GALNT18: variants seen among roughly 807,000 people sequenced by gnomAD.
GALNT18 encodes the protein polypeptide N-acetylgalactosaminyltransferase 18, also known as GalNAc-transferase 18.
GALNT18 carries 44 observed loss-of-function variants against 69.5 expected under a neutral mutation model. The observed-to-expected ratio is 0.63, with a 90% CI of 0.50 to 0.81. The LOEUF is 0.81. Ranked by LOEUF, GALNT18 falls within the 40% of genes least tolerant of loss-of-function variation. The probability of loss-of-function intolerance (pLI) is 0.00; values close to 1 mark genes in which losing one functional copy is unlikely to be tolerated. For synonymous variants in GALNT18, 364 were observed against 318.2 expected, an observed-to-expected ratio of 1.14 and a Z score of -1.53; for missense variants, 715 against 810.0, an observed-to-expected ratio of 0.88 and a Z score of 1.42.
intron 7 of GALNT18, among the ~76,000 whole-genome samples, chr11:11,336,562 C>T (rs909250382): frequency 2.6e-5 from 4 of 152,172 alleles, no homozygotes; most frequent in Non-Finnish European, 4.4e-5. Flanking sequence ...TTGAAGGGCT[C>T]CAGCTCCATA....
chr11:11,397,474 T>G (rs1390014177), intron 3 of GALNT18, among the ~76,000 whole-genome samples: 1 of 152,162 alleles, frequency 6.6e-6, no homozygotes, highest in Admixed American at 6.5e-5. Context: ...TTGAGGACTT[T>G]TATTTTTTGA....
rs2133791218 is a variant in GALNT18 at position 11,430,474 on chromosome 11, G to T, written c.595+2147C>A. Among the ~76,000 whole-genome samples, 1 of 152,318 alleles carries T rather than the reference G, an allele frequency of 6.6e-6. No individual in the cohort carries two copies. The highest frequency in any genetic ancestry group is 2.4e-5 in the African/African-American group (1 of 41,558). On this transcript the variant is annotated intron_variant, in intron 3 of 10. Transcript: ENST00000227756. The surrounding 1 kb of genome is among the most constrained non-coding windows in gnomAD (Gnocchi z 4.9). ...CAGTTGTGATGACAAGTACAGCTTT[G>T]TGTAACCAACACCACAATCAAGATA...
At chr11:11,580,154 A>G (rs1859041247) in intron 1 of GALNT18, among the ~76,000 whole-genome samples, 1 of 152,236 alleles carries the variant, frequency 6.6e-6, no homozygotes, top group East Asian at 1.9e-4. Context: ...GGTTGCCACT[A>G]ACTCACCATT....
chr11:11,332,333 G>A lies in GALNT18; in HGVS notation c.1416+361C>T, dbSNP rs1850030584. Among the ~76,000 whole-genome samples, 4 of 152,228 alleles carry A rather than the reference G, an allele frequency of 2.6e-5. No homozygotes were observed. The highest frequency in any genetic ancestry group is 6.5e-5 in the Admixed American group (1 of 15,292). The stretch of plus-strand genomic sequence containing the variant: ...CTCCTTGGTCAGGGAGGCACACAGG[G>A]TGACTCATAGACCCTCAGGCACCCC... On this transcript the variant is annotated intron_variant, in intron 8 of 10. Coordinates refer to ENST00000227756, the MANE Select transcript of GALNT18 (RefSeq NM_198516.3). This position sits in a 1 kb window ranked among gnomAD's most constrained non-coding sequence, Gnocchi z 4.3.
chr11:11,486,493 T>C (rs1856648269), intron 1 of GALNT18, among the ~76,000 whole-genome samples: 1 of 152,218 alleles, frequency 6.6e-6, no homozygotes, highest in Non-Finnish European at 1.5e-5. Context: ...TTCATCTTCT[T>C]CTACTTAAAA....
rs1030420687 is a variant in GALNT18 at position 11,595,425 on chromosome 11, C to T, written c.235+25934G>A. Among the ~76,000 whole-genome samples, 9 of 152,186 alleles carry T rather than the reference C, an allele frequency of 5.9e-5. No individual in the cohort carries two copies. Among genetic ancestry groups the T allele is most frequent in the African/African-American group, 2.2e-4 (9 of 41,444 alleles). On this transcript the variant is annotated intron_variant, in intron 1 of 10. Coordinates refer to ENST00000227756, the MANE Select transcript of GALNT18 (RefSeq NM_198516.3). The surrounding 1 kb of genome is among the most constrained non-coding windows in gnomAD (Gnocchi z 5.2). ...AAGCTGGCACCCTGATCTTGGACTTCTCACCCTCCAAAACTGTGAGAAATT... is the reference window on the plus strand; with the variant it reads ...AAGCTGGCACCCTGATCTTGGACTTTTCACCCTCCAAAACTGTGAGAAATT...
At chr11:11,593,619 T>C (rs541602119) in intron 1 of GALNT18, among the ~76,000 whole-genome samples, 5 of 152,192 alleles carry the variant, frequency 3.3e-5, no homozygotes, top group Non-Finnish European at 7.3e-5. Flanking sequence ...TATAAGTGAT[T>C]GTCACCCTTT....
Position 11,332,942 on chromosome 11 carries a change from A to C in GALNT18, c.1279-111T>G. ...CCAACAAGATTCCTAGAGACTGGGG[A>C]AGGGACCATGTGGCACGTTAACTCT... On this transcript the variant is annotated intron_variant, in intron 7 of 10. Transcript: ENST00000227756. The surrounding 1 kb of genome is among the most constrained non-coding windows in gnomAD (Gnocchi z 4.3). 1 of 1,210,596 alleles carries C rather than the reference A, an allele frequency of 8.3e-7. No homozygotes were observed. Among genetic ancestry groups the C allele is most frequent in the South Asian group, 1.3e-5 (1 of 75,686 alleles). 75.0% of individuals were successfully genotyped at this position (1,210,596 alleles called of 1,614,324 possible). A position where few individuals can be genotyped will look rare whatever the true frequency, so the allele number is the denominator to read the frequency against.
Position 11,337,258 on chromosome 11 carries a change from A to G in GALNT18, c.1278+3561T>C, listed in dbSNP as rs1160153871. ...GAGGGATTACTCACACTGCCAGCAA[A>G]CTCACTCATTAATAAGCGTTAGCAA... On this transcript the variant is annotated intron_variant, in intron 7 of 10. Coordinates refer to ENST00000227756, the MANE Select transcript of GALNT18 (RefSeq NM_198516.3). The surrounding 1 kb of genome is among the most constrained non-coding windows in gnomAD (Gnocchi z 4.9). Among the ~76,000 whole-genome samples, 1 of 152,086 alleles carries G rather than the reference A, an allele frequency of 6.6e-6. No individual in the cohort carries two copies. The highest frequency in any genetic ancestry group is 1.5e-5 in the Non-Finnish European group (1 of 68,038).
chr11:11,310,126 C>T (rs1258110298), intron 9 of GALNT18, among the ~76,000 whole-genome samples: 3 of 152,188 alleles, frequency 2.0e-5, no homozygotes, highest in African/African-American at 7.2e-5. Flanking sequence ...CATTTGCTTC[C>T]TCAGATAGAG....
rs532761898 is a variant in GALNT18, at chr11:11,348,680, T to C, written c.1093-7676A>G. 5.9e-5 allele frequency among the ~76,000 whole-genome samples: 9 copies of C among 152,310 alleles called. No homozygotes were observed. The South Asian group carries it at 1.9e-3, about 32-fold the overall frequency. On this transcript the variant is annotated intron_variant, in intron 6 of 10. Transcript: ENST00000227756. ...GTTATGTCCAGTTATGCCATGGACA[T>C]AGGTGGATCACATTCTTGGGTTTCT...
At position 11,590,122 on chromosome 11, in the gene GALNT18, C is replaced by T. The variant is rs1859320594; in HGVS notation, c.235+31237G>A. On this transcript the variant is annotated intron_variant, in intron 1 of 10. Coordinates refer to ENST00000227756, the MANE Select transcript of GALNT18 (RefSeq NM_198516.3). This position sits in a 1 kb window ranked among gnomAD's most constrained non-coding sequence, Gnocchi z 4.4. Reference sequence around the variant, plus strand: ...ACTGCTGTGTGTTCACTAAAACCACCTTCCTTTCTTCCAGGGAAACCAGGT... The same window carrying T: ...ACTGCTGTGTGTTCACTAAAACCACTTTCCTTTCTTCCAGGGAAACCAGGT... Among the ~76,000 whole-genome samples the T allele has an allele frequency of 6.6e-6, 1 of 152,244 alleles. No homozygotes were observed. Among genetic ancestry groups the T allele is most frequent in the African/African-American group, 2.4e-5 (1 of 41,468 alleles).
At position 11,439,760 on chromosome 11, in the gene GALNT18, G is replaced by T. The variant is rs536185467; in HGVS notation, c.429-6973C>A. Reference sequence around the variant, plus strand: ...GCAGAAAGAATTCAGGTCCATAAGGGCTCTGTGGATGGGAATTCTACCATG... The same window carrying T: ...GCAGAAAGAATTCAGGTCCATAAGGTCTCTGTGGATGGGAATTCTACCATG... On this transcript the variant is annotated intron_variant, in intron 2 of 10. Coordinates refer to ENST00000227756, the MANE Select transcript of GALNT18 (RefSeq NM_198516.3). This position sits in a 1 kb window ranked among gnomAD's most constrained non-coding sequence, Gnocchi z 4.4. 6.6e-6 allele frequency among the ~76,000 whole-genome samples: 1 copy of T among 152,138 alleles called. No homozygotes were observed. The highest frequency in any genetic ancestry group is 6.5e-5 in the Admixed American group (1 of 15,276).
chr11:11,604,560 C>T lies in GALNT18; in HGVS notation c.235+16799G>A, dbSNP rs890053036. On this transcript the variant is annotated intron_variant, in intron 1 of 10. Coordinates refer to ENST00000227756, the MANE Select transcript of GALNT18 (RefSeq NM_198516.3). The surrounding 1 kb of genome is among the most constrained non-coding windows in gnomAD (Gnocchi z 5.6). ...AGTGACTCCAGACCCCGCCTGGCAC[C>T]AAGTCTGCATGGCGGAGAGAAGGGT... 1.3e-5 allele frequency among the ~76,000 whole-genome samples: 2 copies of T among 152,192 alleles called. No homozygotes were observed. Among genetic ancestry groups the T allele is most frequent in the African/African-American group, 4.8e-5 (2 of 41,448 alleles).
chr11:11,323,145 T>C (rs1489709434), intron 9 of GALNT18, among the ~76,000 whole-genome samples: 7 of 152,212 alleles, frequency 4.6e-5, no homozygotes, highest in African/African-American at 1.4e-4. Flanking sequence ...TTTTAAGGCA[T>C]GCAAAATACA....
intron 1 of GALNT18, among the ~76,000 whole-genome samples, chr11:11,589,039 A>G (rs980314312): frequency 6.6e-6 from 1 of 152,234 alleles, no homozygotes; most frequent in African/African-American, 2.4e-5. Context: ...ATCCCTATGC[A>G]TAGAATCACC....
rs1387472153 is a variant in GALNT18, at chr11:11,339,009, C to T, written c.1278+1810G>A. Among the ~76,000 whole-genome samples, 1 of 152,090 alleles carries T rather than the reference C, an allele frequency of 6.6e-6. No homozygotes were observed. The highest frequency in any genetic ancestry group is 1.5e-5 in the Non-Finnish European group (1 of 68,020). On this transcript the variant is annotated intron_variant, in intron 7 of 10. Coordinates refer to ENST00000227756, the MANE Select transcript of GALNT18 (RefSeq NM_198516.3). The surrounding 1 kb of genome is among the most constrained non-coding windows in gnomAD (Gnocchi z 5.2). Reference sequence around the variant, plus strand: ...TAAGCATTTGGGAGGCCTATGTTGACCTTGACAAAGCAGTCTTGATGAAGT... The same window carrying T: ...TAAGCATTTGGGAGGCCTATGTTGATCTTGACAAAGCAGTCTTGATGAAGT...
chr11:11,356,075 A>C lies in GALNT18; in HGVS notation c.1093-15071T>G, dbSNP rs1368967580. On this transcript the variant is annotated intron_variant, in intron 6 of 10. Transcript: ENST00000227756. This position sits in a 1 kb window ranked among gnomAD's most constrained non-coding sequence, Gnocchi z 4.4. ...ATTTCTGGATACCAGCACCTACAGC[A>C]CTAGAAAAAAATGTGCTCACAGGTA... Among the ~76,000 whole-genome samples the C allele has an allele frequency of 6.6e-6, 1 of 152,204 alleles. No individual in the cohort carries two copies. Among genetic ancestry groups the C allele is most frequent in the Admixed American group, 6.5e-5 (1 of 15,286 alleles).
chr11:11,323,481 G>T (rs1035015426), intron 9 of GALNT18, among the ~76,000 whole-genome samples: 2 of 152,190 alleles, frequency 1.3e-5, no homozygotes, highest in East Asian at 1.9e-4. Context: ...ACCCTCTTTG[G>T]CTCAATGCTC....
Sources: gnomAD v4.1 joint callset for allele counts (sites outside exome capture counted in the v4.1 genomes callset) on GRCh38, gnomAD v4.1.1 for gene constraint, Gnocchi (gnomAD v3.1) non-coding constraint, MANE v1.5 for transcripts, NCBI Gene and HGNC (gene_info 2026-07-23, HGNC 2026-07-21) for gene names.